SASH1: variants seen among roughly 807,000 people sequenced by gnomAD.
The protein encoded by SASH1 is SAM and SH3 domain containing 1.
Under a neutral mutation model 125.2 loss-of-function variants are expected in SASH1, and 44 were observed. That is an observed-to-expected ratio of 0.35 (90% CI 0.28 to 0.45). SASH1 has a LOEUF of 0.45. Among genes scored for constraint, SASH1 ranks in the 20% least tolerant of loss-of-function variants. The pLI is 1.00. For synonymous variants in SASH1, 639 were observed against 649.1 expected, an observed-to-expected ratio of 0.98 and a Z score of 0.24; for missense variants, 1,426 against 1,614.5, an observed-to-expected ratio of 0.88 and a Z score of 2.00.
chr6:148,527,285 A>C, intron 11 of SASH1, 168 bp from the exon 12 acceptor site: 1 of 566,828 alleles, frequency 1.8e-6, no homozygotes, highest in Non-Finnish European at 2.8e-6. Context: ...AATAAGCTTT[A>C]ATTTTTAATC....
At chr6:148,321,116 G>A (rs1358057610) in intron 1 of SASH1, among the ~76,000 whole-genome samples, 3 of 152,214 alleles carry the variant, frequency 2.0e-5, no homozygotes, top group Admixed American at 6.6e-5. Context: ...TGGCAGGCCA[G>A]GCGCGGTGGC....
chr6:148,392,675 CTTTT>C (rs988914010), intron 2 of SASH1, among the ~76,000 whole-genome samples: 4 of 152,186 alleles, frequency 2.6e-5, no homozygotes, highest in Non-Finnish European at 4.4e-5. Flanking sequence ...GATTCTCTTT[CTTTT>C]ATGTTCACCA....
At position 148,486,991 on chromosome 6, in the gene SASH1, A is replaced by G. The variant is rs1407224080; in HGVS notation, c.628-623A>G. On this transcript the variant is annotated intron_variant, in intron 7 of 19. Coordinates refer to ENST00000367467, the MANE Select transcript of SASH1 (RefSeq NM_015278.5). ...TATATATATATATATATATATATAT[A>G]TATGTATTTGCTTATATATATGTTT... 2.3e-3 allele frequency among the ~76,000 whole-genome samples: 179 copies of G among 78,880 alleles called. 1 individual carries two copies. In the East Asian group the frequency reaches 0.034, roughly 15 times the overall value. The allele number at this position is 78,880 out of a possible 152,430, so 51.7% of individuals were successfully genotyped here.
At chr6:148,227,939 C>T in the SASH1 span, among the ~76,000 whole-genome samples, 7 of 152,256 alleles carry the variant, frequency 4.6e-5, no homozygotes, top group South Asian at 1.4e-3. Flanking sequence ...TGGAAAAACA[C>T]CTGTAAGCAC....
intron 2 of SASH1, among the ~76,000 whole-genome samples, chr6:148,394,738 G>C: frequency 6.6e-6 from 1 of 152,186 alleles, no homozygotes; most frequent in East Asian, 1.9e-4. Flanking sequence ...TCTGCCTCCT[G>C]GGTTCAAGCG....
chr6:148,520,861 T>C (rs778166986), intron 10 of SASH1, among the ~76,000 whole-genome samples: 2 of 152,200 alleles, frequency 1.3e-5, no homozygotes, highest in Non-Finnish European at 2.9e-5. Context: ...TTTGAAAACA[T>C]TTTAAAGCAC....
At chr6:148,350,018 T>A (rs921049338) in intron 1 of SASH1, among the ~76,000 whole-genome samples, 2 of 152,026 alleles carry the variant, frequency 1.3e-5, no homozygotes, top group African/African-American at 4.8e-5. Flanking sequence ...GCTAATTTTT[T>A]GTATTTTTAG....
intron 4 of SASH1, among the ~76,000 whole-genome samples, chr6:148,468,007 C>A (rs1408614129): frequency 6.6e-6 from 1 of 152,160 alleles, no homozygotes; most frequent in African/African-American, 2.4e-5. Context: ...TTGCACTTGC[C>A]AATTGGCAGC....
chr6:148,521,465 A>C (rs1169698167), intron 10 of SASH1, among the ~76,000 whole-genome samples: 1 of 152,196 alleles, frequency 6.6e-6, no homozygotes, highest in Non-Finnish European at 1.5e-5. Flanking sequence ...TCTTAAAACG[A>C]CCTTCTCTGT....
the SASH1 span, among the ~76,000 whole-genome samples, chr6:148,217,186 T>C: frequency 6.6e-6 from 1 of 152,198 alleles, no homozygotes; most frequent in African/African-American, 2.4e-5. Context: ...ATGGACCACA[T>C]GGCCCCACTT....
At chr6:148,477,135 C>T (rs745414821) in intron 7 of SASH1, among the ~76,000 whole-genome samples, 1 of 152,178 alleles carries the variant, frequency 6.6e-6, no homozygotes, top group Non-Finnish European at 1.5e-5. Context: ...TGAGGAAATT[C>T]TCCAGGACAC....
chr6:148,345,640 C>CG (rs1198088991), intron 1 of SASH1, among the ~76,000 whole-genome samples: 1 of 152,144 alleles, frequency 6.6e-6, no homozygotes, highest in Non-Finnish European at 1.5e-5. Context: ...ACTGAGTCTT[C>CG]GGGGAAATAC....
intron 7 of SASH1, among the ~76,000 whole-genome samples, chr6:148,481,391 C>G (rs188048681): frequency 3.3e-4 from 50 of 152,124 alleles, no homozygotes; most frequent in Non-Finnish European, 6.3e-4. Flanking sequence ...CTTTTCGTTT[C>G]CTTTGAGAAC....
intron 1 of SASH1, among the ~76,000 whole-genome samples, chr6:148,363,331 A>G (rs1782320358): frequency 1.4e-5 from 2 of 143,480 alleles, no homozygotes; most frequent in African/African-American, 2.4e-5. Flanking sequence ...TTGTAGAGAC[A>G]GGGTTTCACC....
chr6:148,357,610 A>T (rs954289196), intron 1 of SASH1, among the ~76,000 whole-genome samples: 16 of 152,130 alleles, frequency 1.1e-4, no homozygotes, highest in Non-Finnish European at 1.9e-4. Context: ...ATCAATTCCA[A>T]GGTGGTGGAG....
intron 1 of SASH1, among the ~76,000 whole-genome samples, chr6:148,345,356 G>A (rs892780934): frequency 7.9e-5 from 12 of 152,176 alleles, no homozygotes; most frequent in Non-Finnish European, 1.5e-4. Flanking sequence ...GGCTTCAGAA[G>A]CTCAAACCTG....
chr6:148,370,138 A>C lies in SASH1; in HGVS notation c.157-19996A>C, dbSNP rs964360487. On this transcript the variant is annotated intron_variant, in intron 1 of 19. Transcript: ENST00000367467. ...GTGAGGAAGGATAGAAGGATAGATCAAGTGAAAGTGACCTTTCGAATGTCC... is the reference window on the plus strand; with the variant it reads ...GTGAGGAAGGATAGAAGGATAGATCCAGTGAAAGTGACCTTTCGAATGTCC... Among the ~76,000 whole-genome samples, 118 of 152,192 alleles carry C rather than the reference A, an allele frequency of 7.8e-4. 1 individual carries two copies. Among genetic ancestry groups the C allele is most frequent in the Non-Finnish European group, 2.1e-4 (14 of 68,028 alleles).
rs140465347 is a variant in SASH1 at position 148,519,715 on chromosome 6, G to T, written c.1031G>T (p.Trp344Leu). ...TSPSSSSLDT[W>L]GAGRKLVKTF... ...CCATCCTCCAGCAGCCTGGACACCT[G>T]GGGGGCTGGCCGGAAGTTGGTCAAA... The change falls in exon 10 of 20, where the codon TGG (tryptophan) becomes TTG (leucine). Residue 344 changes from tryptophan to leucine, a missense_variant. Trp to Leu is a moderately conservative substitution (Grantham distance 61, BLOSUM62 -2). This residue lies in a region of SASH1 where 567 missense variants were observed against 575.6 expected (regional missense o/e 0.99). Transcript: ENST00000367467. This position sits in a 1 kb window ranked among gnomAD's most constrained non-coding sequence, Gnocchi z 4.8. 8.8e-5 allele frequency: 142 copies of T among 1,613,992 alleles called. No homozygotes were observed. The highest frequency in any genetic ancestry group is 1.2e-4 in the Non-Finnish European group (137 of 1,180,034).
At chr6:148,459,135 T>C (rs1268239310) in intron 4 of SASH1, among the ~76,000 whole-genome samples, 1 of 152,102 alleles carries the variant, frequency 6.6e-6, no homozygotes, top group East Asian at 1.9e-4. Flanking sequence ...CTGTCAATAG[T>C]GTTGTTAGTA....
Sources: allele counts gnomAD v4.1 joint callset (sites outside exome capture counted in the v4.1 genomes callset), GRCh38; gene constraint gnomAD v4.1.1; regional missense constraint gnomAD v4.1.1; non-coding constraint Gnocchi (gnomAD v3.1); transcripts MANE v1.5; gene names NCBI Gene and HGNC (gene_info 2026-07-23, HGNC 2026-07-21).